SAR1A: variants seen among roughly 807,000 people sequenced by gnomAD.
SAR1A encodes the protein secretion associated Ras related GTPase 1A, also known as small COPII coat GTPase SAR1A.
Under a neutral mutation model 22.6 loss-of-function variants are expected in SAR1A, and 6 were observed. The observed-to-expected ratio is 0.27, with a 90% CI of 0.15 to 0.52. The LOEUF is 0.52. SAR1A is among the 20% of genes least tolerant of loss of function. SAR1A has a pLI of 0.96. For missense variants in SAR1A, 145 were observed against 245.1 expected, an observed-to-expected ratio of 0.59 and a Z score of 2.73; for synonymous variants, 70 against 82.2, an observed-to-expected ratio of 0.85 and a Z score of 0.80.
In SAR1A at chr10:70,153,940, A is replaced by G. The variant is rs1197528154; in HGVS notation, c.378T>C (p.Asn126=). 6.3e-7 allele frequency: 1 copy of G among 1,599,518 alleles called. No homozygotes were observed. The highest frequency in any genetic ancestry group is 1.7e-5 in the Admixed American group (1 of 57,434). Residue 126 remains asparagine (N), a synonymous_variant, in exon 6 of 7, where the codon AAT becomes AAC. Transcript: ENST00000373241. ...NALMTDETIS[N]VPILILGNKI... is the part of the protein sequence containing the mutation. ...TGTTACCCAAGATAAGGATTGGCAC[A>G]TTGGATATTGTTTCATCAGTCATTA...
At chr10:70,161,443 C>T in intron 3 of SAR1A, 176 bp downstream of exon 3, 1 of 678,594 alleles carries the variant, frequency 1.5e-6, no homozygotes, top group Non-Finnish European at 2.4e-6. Context: ...TGACAAAGTT[C>T]CAGAGGTTTA....
At chr10:70,169,863 C>G (rs923243759) in intron 1 of SAR1A, among the ~76,000 whole-genome samples, 18 of 152,206 alleles carry the variant, frequency 1.2e-4, no homozygotes, top group African/African-American at 4.3e-4. Flanking sequence ...AGAGACCAGA[C>G]AGGGGAAAAG....
intron 1 of SAR1A, among the ~76,000 whole-genome samples, chr10:70,166,290 G>T (rs1839548920): frequency 6.6e-6 from 1 of 152,178 alleles, no homozygotes; most frequent in African/African-American, 2.4e-5. Flanking sequence ...CCAGGCAGCG[G>T]TTCATTCACA....
At position 70,152,573 on chromosome 10, in the gene SAR1A, T is replaced by C. The variant is rs759156932; in HGVS notation, c.500A>G (p.Glu167Gly). Reference sequence around the variant, plus strand: ...CACTTCCATGGGGCGAGCATTCAGCTCCTTCAGGGTCACATTCCCCTAAAG... The same window carrying C: ...CACTTCCATGGGGCGAGCATTCAGCCCCTTCAGGGTCACATTCCCCTAAAG... ...TTGKGNVTLKELNARPMEVFM... is the reference protein window; with the variant it reads ...TTGKGNVTLKGLNARPMEVFM... The change falls in exon 7 of 7, where the codon GAG (glutamate) becomes GGG (glycine). Residue 167 changes from glutamate to glycine, a missense_variant. Glu to Gly is a moderately conservative substitution (Grantham distance 98). Around this residue, in one of 3 missense-constraint regions of SAR1A, gnomAD observed 83 missense variants for 114.7 expected, o/e 0.72. Coordinates refer to ENST00000373241, the MANE Select transcript of SAR1A (RefSeq NM_020150.5). 1.9e-6 allele frequency: 3 copies of C among 1,613,722 alleles called. No homozygotes were observed. Among genetic ancestry groups the C allele is most frequent in the Non-Finnish European group, 2.5e-6 (3 of 1,179,854 alleles).
chr10:70,153,984 A>G lies in SAR1A; in HGVS notation c.349-15T>C, dbSNP rs745590777. 7.2e-6 allele frequency: 11 copies of G among 1,529,926 alleles called. No individual in the cohort carries two copies. In the East Asian group the frequency reaches 2.1e-4, roughly 29 times the overall value. The allele number at this position is 1,529,926 out of a possible 1,614,324, so 94.8% of individuals were successfully genotyped here. A position where few individuals can be genotyped will look rare whatever the true frequency, so the allele number is the denominator to read the frequency against. Reference sequence around the variant, plus strand: ...GTCATTAAAGCCTAAAGATTGAAAAAAAAGAAAAAAAGAAAAAAAAGAATT... The same window carrying G: ...GTCATTAAAGCCTAAAGATTGAAAAGAAAGAAAAAAAGAAAAAAAAGAATT... On this transcript the variant is annotated splice_polypyrimidine_tract_variant and intron_variant, in intron 5 of 6. Transcript: ENST00000373241.
intron 1 of SAR1A, among the ~76,000 whole-genome samples, chr10:70,165,212 C>A (rs1218988917): frequency 6.9e-6 from 1 of 145,650 alleles, no homozygotes; most frequent in Non-Finnish European, 1.5e-5. Flanking sequence ...TTGCAGTGAG[C>A]CGAGATCCCG....
chr10:70,154,222 A>G (rs1036655807), intron 5 of SAR1A, among the ~76,000 whole-genome samples: 1 of 152,252 alleles, frequency 6.6e-6, no homozygotes, highest in Non-Finnish European at 1.5e-5. Flanking sequence ...ACAAGGCAGC[A>G]GAACTGCCCC....
rs141401362 is a variant in SAR1A at position 70,159,578 on chromosome 10, A to G, written c.244+1426T>C. 6.3e-3 allele frequency among the ~76,000 whole-genome samples: 954 copies of G among 152,230 alleles called. 17 individuals are homozygous for G. Among genetic ancestry groups the G allele is most frequent in the African/African-American group, 0.022 (902 of 41,530 alleles). On this transcript the variant is annotated intron_variant, in intron 4 of 6. Transcript: ENST00000373241. ...CTTGAGCCCAGGAAGTAGAGGTTGC[A>G]GTATGCCAAAATTGTGCCACTGCAC... is the stretch of plus-strand genomic sequence containing the variant.
chr10:70,161,502 A>G (rs1839467233), intron 3 of SAR1A, 117 bp downstream of exon 3: 1 of 1,221,294 alleles, frequency 8.2e-7, no homozygotes, highest in Non-Finnish European at 1.1e-6. Flanking sequence ...ACTTTCTCGT[A>G]TGAGTTGGCT....
At chr10:70,164,986 G>C (rs560738000) in intron 1 of SAR1A, among the ~76,000 whole-genome samples, 1 of 152,158 alleles carries the variant, frequency 6.6e-6, no homozygotes, top group African/African-American at 2.4e-5. Context: ...GAGTATTTTC[G>C]ATTTGCCAGT....
rs890438723 is a variant in SAR1A, at chr10:70,147,607, G to A, written c.*4869C>T. ...ATATTTTTTCCAACCATTTAAATAT[G>A]TAAAAACCTTTCTTTGCTCACAGGC... On this transcript the variant is annotated 3_prime_UTR_variant, in exon 7 of 7. Coordinates refer to ENST00000373241, the MANE Select transcript of SAR1A (RefSeq NM_020150.5). 2 of 152,166 alleles carry A rather than the reference G, an allele frequency of 1.3e-5. No homozygotes were observed. Among genetic ancestry groups the A allele is most frequent in the African/African-American group, 4.8e-5 (2 of 41,424 alleles). The allele number at this position is 152,166 out of a possible 1,614,324, so 9.4% of individuals were successfully genotyped here.
chr10:70,161,334 T>C (rs1839465730), intron 3 of SAR1A: 1 of 552,140 alleles, frequency 1.8e-6, no homozygotes, highest in Admixed American at 3.5e-5. Context: ...CTTAAACTAT[T>C]CTAAAAGCCA....
intron 6 of SAR1A, 90 bp downstream of exon 6, chr10:70,153,748 T>G: frequency 8.8e-7 from 1 of 1,132,134 alleles, no homozygotes; most frequent in South Asian, 1.9e-5. Context: ...GTTTAAGCCT[T>G]TAAAAGAAAA....
chr10:70,159,199 A>C (rs1455884019), intron 4 of SAR1A, among the ~76,000 whole-genome samples: 1 of 152,160 alleles, frequency 6.6e-6, no homozygotes, highest in East Asian at 1.9e-4. Flanking sequence ...CCCCTTGTCA[A>C]TATTTTGATA....
chr10:70,151,718 C>T lies in SAR1A; in HGVS notation c.*758G>A, dbSNP rs1839329096. 2 of 152,658 alleles carry T rather than the reference C, an allele frequency of 1.3e-5. No homozygotes were observed. The highest frequency in any genetic ancestry group is 4.8e-5 in the African/African-American group (2 of 41,460). 9.5% of individuals were successfully genotyped at this position (152,658 alleles called of 1,614,324 possible). On this transcript the variant is annotated 3_prime_UTR_variant, in exon 7 of 7. Transcript: ENST00000373241. ...AAAGACTGGCTAAAATCTGTAACTT[C>T]ATGAGTAAGAATAACAACAATAACC...
intron 1 of SAR1A, among the ~76,000 whole-genome samples, chr10:70,164,929 G>T (rs1839526788): frequency 1.3e-5 from 2 of 152,186 alleles, no homozygotes; most frequent in African/African-American, 4.8e-5. Context: ...AGTTAATGTT[G>T]TTTTAATGTC....
intron 1 of SAR1A, among the ~76,000 whole-genome samples, chr10:70,169,591 G>C (rs921029465): frequency 1.3e-5 from 2 of 152,134 alleles, no homozygotes; most frequent in Admixed American, 1.3e-4. Context: ...AAAAATTTAC[G>C]CATTACTTGT....
At chr10:70,158,757 C>CAG (rs368054677) in intron 4 of SAR1A, among the ~76,000 whole-genome samples, 3 of 125,806 alleles carry the variant, frequency 2.4e-5, no homozygotes, top group Non-Finnish European at 5.1e-5. Flanking sequence ...TTAAGTTATA[C>CAG]AAAAAAAAAA....
In SAR1A at chr10:70,152,403, A is replaced by G. The variant is rs529661908; in HGVS notation, c.*73T>C. 597 of 1,223,086 alleles carry G rather than the reference A, an allele frequency of 4.9e-4. 7 individuals carry two copies. Among genetic ancestry groups the G allele is most frequent in the South Asian group, 4.1e-3 (336 of 82,656 alleles). 75.8% of individuals were successfully genotyped at this position (1,223,086 alleles called of 1,614,324 possible). A position where few individuals can be genotyped will look rare whatever the true frequency, so the allele number is the denominator to read the frequency against. ...TGGAGAGCTTTCCTTGTTCTATTAGAAAAGTTCATGAGGAAGCTGTGAATA... is the reference window on the plus strand; with the variant it reads ...TGGAGAGCTTTCCTTGTTCTATTAGGAAAGTTCATGAGGAAGCTGTGAATA... On this transcript the variant is annotated 3_prime_UTR_variant, in exon 7 of 7. Coordinates refer to ENST00000373241, the MANE Select transcript of SAR1A (RefSeq NM_020150.5).
Sources: gnomAD v4.1 joint callset for allele counts (sites outside exome capture counted in the v4.1 genomes callset) on GRCh38, gnomAD v4.1.1 for gene constraint, gnomAD v4.1.1 regional missense constraint, MANE v1.5 for transcripts, NCBI Gene and HGNC (gene_info 2026-07-23, HGNC 2026-07-21) for gene names.